The following CADM3 variants were observed in gnomAD, a reference collection of about 807,000 sequenced individuals.
The protein encoded by CADM3 is cell adhesion molecule 3.
In CADM3, 11 loss-of-function variants were observed where a neutral mutation model predicts 44.9. The ratio of observed to expected loss-of-function variants is 0.25; its 90% CI spans 0.15 to 0.41. The LOEUF (loss-of-function observed/expected upper bound fraction) is 0.41. Ranked by LOEUF, CADM3 falls within the 10% of genes least tolerant of loss-of-function variation. The pLI is 1.00. For missense variants in CADM3, 426 were observed against 512.0 expected, an observed-to-expected ratio of 0.83 and a Z score of 1.62; for synonymous variants, 207 against 205.2, an observed-to-expected ratio of 1.01 and a Z score of -0.08.
chr1:159,194,054 T>C lies in CADM3; in HGVS notation c.691+14T>C. 6.2e-7 allele frequency: 1 copy of C among 1,607,860 alleles called. No homozygotes were observed. The highest frequency in any genetic ancestry group is 1.7e-4 in the Middle Eastern group (1 of 6,038). On this transcript the variant is annotated intron_variant, in intron 5 of 8. Transcript: ENST00000368125. Reference sequence around the variant, plus strand: ...TTGAAGTTTTATGTATGTCATGGGCTTGGGGATGAAGAAGGATGAGGTATG... The same window carrying C: ...TTGAAGTTTTATGTATGTCATGGGCCTGGGGATGAAGAAGGATGAGGTATG...
intron 1 of CADM3, among the ~76,000 whole-genome samples, chr1:159,175,042 A>G (rs571009713): frequency 7.2e-5 from 11 of 152,312 alleles, no homozygotes; most frequent in African/African-American, 2.6e-4. Flanking sequence ...CATTCATTCT[A>G]CAGCCCCCTG....
chr1:159,179,794 T>A (rs1379025004), intron 1 of CADM3, among the ~76,000 whole-genome samples: 1 of 152,166 alleles, frequency 6.6e-6, no homozygotes, highest in Non-Finnish European at 1.5e-5. Flanking sequence ...AGTTTTACCA[T>A]CTGCTCCTAA....
In CADM3 at chr1:159,199,374, A is replaced by C. The variant is rs370233385; in HGVS notation, c.953-377A>C. On this transcript the variant is annotated intron_variant, in intron 7 of 8. Coordinates refer to ENST00000368125, the MANE Select transcript of CADM3 (RefSeq NM_001127173.3). ...GAAAGAAGGAAGAGAGGCAGGAAGA[A>C]GGAAGGAAAAGAAGAGGCGGAGGGA... Among the ~76,000 whole-genome samples the C allele has an allele frequency of 2.1e-4, 32 of 149,578 alleles. No individual in the cohort carries two copies. In the East Asian group the frequency reaches 5.0e-3, roughly 23 times the overall value.
intron 1 of CADM3, among the ~76,000 whole-genome samples, chr1:159,190,633 T>C (rs1351828308): frequency 6.6e-6 from 1 of 152,162 alleles, no homozygotes; most frequent in Admixed American, 6.5e-5. Flanking sequence ...TATCAGTCAA[T>C]AGCATCAACT....
intron 1 of CADM3, among the ~76,000 whole-genome samples, chr1:159,181,356 A>G (rs1435555891): frequency 6.6e-6 from 1 of 152,180 alleles, no homozygotes; most frequent in Non-Finnish European, 1.5e-5. Context: ...CCGTATGTCT[A>G]AAGTGTTTGA....
At chr1:159,172,473 AAAC>A (rs1207822691) in intron 1 of CADM3, among the ~76,000 whole-genome samples, 1 of 152,076 alleles carries the variant, frequency 6.6e-6, no homozygotes, top group Non-Finnish European at 1.5e-5. Context: ...CCTTGGAGCA[AAAC>A]AACAACACAG....
At chr1:159,200,014 A>C in intron 8 of CADM3, 138 bp downstream of exon 8, 1 of 1,157,002 alleles carries the variant, frequency 8.6e-7, no homozygotes, top group Non-Finnish European at 1.2e-6. Flanking sequence ...GGAATTAAAA[A>C]TGGAGCCAAC....
intron 1 of CADM3, among the ~76,000 whole-genome samples, chr1:159,181,450 C>T (rs1253573563): frequency 6.6e-6 from 1 of 152,048 alleles, no homozygotes; most frequent in Non-Finnish European, 1.5e-5. Flanking sequence ...TCTTCAGGGG[C>T]CTACTCCAAA....
chr1:159,192,829 A>C, intron 3 of CADM3, 99 bp downstream of exon 3: 1 of 1,279,364 alleles, frequency 7.8e-7, no homozygotes, highest in Non-Finnish European at 1.1e-6. Flanking sequence ...GCAAGTCTCC[A>C]AGCACTTTAG....
chr1:159,175,999 T>C (rs573643065), intron 1 of CADM3, among the ~76,000 whole-genome samples: 2 of 152,338 alleles, frequency 1.3e-5, no homozygotes, highest in Admixed American at 1.3e-4. Flanking sequence ...CTTAAATCAC[T>C]TGGTAGGAAA....
At chr1:159,173,507 C>T (rs1004629178) in intron 1 of CADM3, among the ~76,000 whole-genome samples, 3 of 152,144 alleles carry the variant, frequency 2.0e-5, no homozygotes, top group African/African-American at 4.8e-5. Flanking sequence ...ACAGCAGCCT[C>T]TCCTTTCCCC....
rs1650085971 is a variant in CADM3 at position 159,199,988 on chromosome 1, C to T, written c.1078+112C>T. ...AAAGGGCCTTCAGAGACTTGTCAGC[C>T]CTTTGGAGTGTTTAGGGAATTAAAA... On this transcript the variant is annotated intron_variant, in intron 8 of 8. Transcript: ENST00000368125. The T allele has an allele frequency of 3.7e-6, 5 of 1,362,646 alleles. No homozygotes were observed. The South Asian group carries it at 5.1e-5, about 14-fold the overall frequency. The allele number at this position is 1,362,646 out of a possible 1,614,324, so 84.4% of individuals were successfully genotyped here.
At chr1:159,182,724 GA>G (rs1387057964) in intron 1 of CADM3, among the ~76,000 whole-genome samples, 1 of 152,180 alleles carries the variant, frequency 6.6e-6, no homozygotes, top group African/African-American at 2.4e-5. Flanking sequence ...AAGGATCTTA[GA>G]AATAACCACC....
At chr1:159,194,291 A>T (rs927498965) in intron 5 of CADM3, 1 of 387,998 alleles carries the variant, frequency 2.6e-6, no homozygotes, top group Non-Finnish European at 4.6e-6. Flanking sequence ...GTAGGGACGC[A>T]GTCATAGACA....
chr1:159,192,421 A>G (rs1649703255), intron 2 of CADM3, among the ~76,000 whole-genome samples, 157 bp from the exon 3 acceptor site: 1 of 152,152 alleles, frequency 6.6e-6, no homozygotes, highest in Non-Finnish European at 1.5e-5. Context: ...CAGAAAAGTG[A>G]TTGAATAACT....
At chr1:159,190,884 C>T (rs745901214) in intron 1 of CADM3, among the ~76,000 whole-genome samples, 2 of 152,192 alleles carry the variant, frequency 1.3e-5, no homozygotes, top group Non-Finnish European at 2.9e-5. Flanking sequence ...TGTCAAAGAA[C>T]AGATTTTTGT....
chr1:159,180,044 C>A (rs934945271), intron 1 of CADM3, among the ~76,000 whole-genome samples: 1 of 152,086 alleles, frequency 6.6e-6, no homozygotes, highest in Admixed American at 6.6e-5. Context: ...GTTTCCAAGC[C>A]CTGGAGTCCA....
chr1:159,197,150 A>C, intron 7 of CADM3, 90 bp downstream of exon 7: 2 of 1,378,332 alleles, frequency 1.5e-6, no homozygotes, highest in Non-Finnish European at 1.0e-6. Context: ...AACATCCCCA[A>C]ACTGTGACGG....
intron 1 of CADM3, among the ~76,000 whole-genome samples, chr1:159,172,786 G>A (rs1648867766): frequency 6.6e-6 from 1 of 152,120 alleles, no homozygotes; most frequent in South Asian, 2.1e-4. Flanking sequence ...GCGGGGCCAG[G>A]GGTGAGGGGA....
Sources: allele counts gnomAD v4.1 joint callset (sites outside exome capture counted in the v4.1 genomes callset), GRCh38; gene constraint gnomAD v4.1.1; transcripts MANE v1.5; gene names NCBI Gene and HGNC (gene_info 2026-07-23, HGNC 2026-07-21).